Variants in DRC11 observed in about 807,000 individuals in gnomAD.
DRC11 encodes IQ and AAA domain-containing protein 1.
chr2:236,487,338 A>G, the DRC11 span, among the ~76,000 whole-genome samples: 2 of 152,274 alleles, frequency 1.3e-5, no homozygotes, highest in Middle Eastern at 3.4e-3. Context: ...ACTCTTATCC[A>G]TCCTTCCCCA....
chr2:236,469,707 T>G, the DRC11 span, among the ~76,000 whole-genome samples: 1 of 152,244 alleles, frequency 6.6e-6, no homozygotes, highest in Non-Finnish European at 1.5e-5. This position sits in a 1 kb window ranked among gnomAD's most constrained non-coding sequence, Gnocchi z 5.8. Flanking sequence ...TATAACATAT[T>G]TAGGTCCTAT....
chr2:236,494,851 G>C, the DRC11 span, among the ~76,000 whole-genome samples: 1 of 152,170 alleles, frequency 6.6e-6, no homozygotes, highest in Non-Finnish European at 1.5e-5. This position sits in a 1 kb window ranked among gnomAD's most constrained non-coding sequence, Gnocchi z 4.2. Flanking sequence ...GAGTGCTGGG[G>C]GTGACGGGAG....
At chr2:236,357,089 T>TCATATATATCTATATA in the DRC11 span, among the ~76,000 whole-genome samples, 1 of 56,990 alleles carries the variant, frequency 1.8e-5, no homozygotes. Flanking sequence ...ATCTATATAT[T>TCATATATATCTATATA]TTATATATTC....
the DRC11 span, among the ~76,000 whole-genome samples, chr2:236,414,101 G>T: frequency 1.3e-5 from 2 of 152,036 alleles, no homozygotes; most frequent in South Asian, 2.1e-4. Flanking sequence ...TATTTTTTTT[G>T]AGAGTTCTGT....
the DRC11 span, among the ~76,000 whole-genome samples, chr2:236,453,006 A>C: frequency 6.6e-6 from 1 of 152,218 alleles, no homozygotes; most frequent in African/African-American, 2.4e-5. The surrounding 1 kb of genome is among the most constrained non-coding windows in gnomAD (Gnocchi z 4.9). Context: ...AGAAGAAGAG[A>C]GTACCTTAGG....
At chr2:236,324,615 C>T in the DRC11 span, 1 of 888,162 alleles carries the variant, frequency 1.1e-6, no homozygotes, top group Non-Finnish European at 1.8e-6. The surrounding 1 kb of genome is among the most constrained non-coding windows in gnomAD (Gnocchi z 5.7). Flanking sequence ...GGGGTCCTCT[C>T]CATCCCAGAG....
chr2:236,411,952 C>T, the DRC11 span, among the ~76,000 whole-genome samples: 88 of 147,214 alleles, frequency 6.0e-4, no homozygotes, highest in South Asian at 1.8e-3. Context: ...TGCTAGATGA[C>T]GAGTTAGTGG....
chr2:236,368,109 A>G, the DRC11 span: 6 of 830,300 alleles, frequency 7.2e-6, no homozygotes, highest in African/African-American at 5.1e-5. Flanking sequence ...TGTACTTTTG[A>G]TGACAAACAG....
chr2:236,390,445 T>G, the DRC11 span, among the ~76,000 whole-genome samples: 1 of 152,244 alleles, frequency 6.6e-6, no homozygotes, highest in Non-Finnish European at 1.5e-5. This position sits in a 1 kb window ranked among gnomAD's most constrained non-coding sequence, Gnocchi z 5.9. Context: ...TTGGTGAGTT[T>G]AATCCATATA....
chr2:236,368,224 G>A, the DRC11 span: 1 of 1,610,582 alleles, frequency 6.2e-7, no homozygotes, highest in Non-Finnish European at 8.5e-7. Flanking sequence ...AATGTGATGA[G>A]CTGTCTGACA....
the DRC11 span, chr2:236,507,157 G>A: frequency 7.8e-7 from 1 of 1,282,210 alleles, no homozygotes; most frequent in Admixed American, 1.8e-5. Flanking sequence ...GAGGGGAGGA[G>A]AAAAGAAAAG....
the DRC11 span, chr2:236,465,751 G>T: frequency 8.0e-7 from 1 of 1,254,026 alleles, no homozygotes; most frequent in Non-Finnish European, 1.2e-6. This position sits in a 1 kb window ranked among gnomAD's most constrained non-coding sequence, Gnocchi z 6.2. Context: ...GGTCATAAAA[G>T]TTACAGAGTT....
chr2:236,472,348 G>A, the DRC11 span, among the ~76,000 whole-genome samples: 1 of 152,148 alleles, frequency 6.6e-6, no homozygotes, highest in Non-Finnish European at 1.5e-5. The surrounding 1 kb of genome is among the most constrained non-coding windows in gnomAD (Gnocchi z 4.6). Context: ...GGTAGACGCA[G>A]GTGAGATTTA....
chr2:236,355,174 C>T, the DRC11 span, among the ~76,000 whole-genome samples: 7 of 152,294 alleles, frequency 4.6e-5, no homozygotes, highest in African/African-American at 1.2e-4. Flanking sequence ...CCTCGTTGGC[C>T]GTACAGACGC....
At chr2:236,491,684 A>T in the DRC11 span, among the ~76,000 whole-genome samples, 1 of 152,148 alleles carries the variant, frequency 6.6e-6, no homozygotes, top group Non-Finnish European at 1.5e-5. Flanking sequence ...TGACTGATGC[A>T]TGGACAGAAA....
chr2:236,312,000 A>T, the DRC11 span, among the ~76,000 whole-genome samples: 1 of 152,160 alleles, frequency 6.6e-6, no homozygotes, highest in East Asian at 1.9e-4. The surrounding 1 kb of genome is among the most constrained non-coding windows in gnomAD (Gnocchi z 6.9). Context: ...TTAGCTAAGT[A>T]GATACAAGCT....
At chr2:236,373,617 T>C in the DRC11 span, among the ~76,000 whole-genome samples, 2 of 152,206 alleles carry the variant, frequency 1.3e-5, no homozygotes, top group African/African-American at 4.8e-5. Context: ...AGATGTCTTT[T>C]TGGGAAGTTA....
At chr2:236,312,464 T>G in the DRC11 span, among the ~76,000 whole-genome samples, 1 of 152,172 alleles carries the variant, frequency 6.6e-6, no homozygotes, top group Non-Finnish European at 1.5e-5. Flanking sequence ...GCCCCCCTAA[T>G]TCTATATGCA....
the DRC11 span, among the ~76,000 whole-genome samples, chr2:236,462,953 T>G: frequency 3.9e-5 from 6 of 152,162 alleles, no homozygotes; most frequent in Non-Finnish European, 8.8e-5. This position sits in a 1 kb window ranked among gnomAD's most constrained non-coding sequence, Gnocchi z 6.4. Flanking sequence ...TTTTTAAAAT[T>G]ATTTATTTAT....
Sources: allele counts gnomAD v4.1 joint callset (sites outside exome capture counted in the v4.1 genomes callset), GRCh38; gene constraint gnomAD v4.1.1; non-coding constraint Gnocchi (gnomAD v3.1); transcripts MANE v1.5; gene names NCBI Gene and HGNC (gene_info 2026-07-23, HGNC 2026-07-21).